The following PCYT1A variants were observed in gnomAD, a reference collection of about 807,000 sequenced individuals.
The protein encoded by PCYT1A is choline-phosphate cytidylyltransferase A.
In PCYT1A, 25 loss-of-function variants were observed where a neutral mutation model predicts 43.7. The ratio of observed to expected loss-of-function variants is 0.57; its 90% CI spans 0.42 to 0.80. The LOEUF is 0.80. PCYT1A is among the 30% of genes least tolerant of loss of function. The probability of loss-of-function intolerance (pLI) is 0.00; values close to 1 mark genes in which losing one functional copy is unlikely to be tolerated. For missense variants in PCYT1A, 421 were observed against 474.2 expected, an observed-to-expected ratio of 0.89 and a Z score of 1.04; for synonymous variants, 172 against 170.7, an observed-to-expected ratio of 1.01 and a Z score of -0.06.
chr3:196,255,946 G>A (rs1451301391), intron 3 of PCYT1A, among the ~76,000 whole-genome samples: 1 of 152,088 alleles, frequency 6.6e-6, no homozygotes, highest in Admixed American at 6.6e-5. Context: ...GTTAGACCTG[G>A]CTACCATTAC....
intron 5 of PCYT1A, among the ~76,000 whole-genome samples, chr3:196,244,577 C>T (rs914083888): frequency 6.6e-6 from 1 of 152,210 alleles, no homozygotes; most frequent in Non-Finnish European, 1.5e-5. Flanking sequence ...CGGCCACCAC[C>T]CCGTCTGGGA....
In PCYT1A at chr3:196,273,166, A is replaced by G. The variant is rs1725488413; in HGVS notation, c.-10-2625T>C. 6.6e-6 allele frequency among the ~76,000 whole-genome samples: 1 copy of G among 152,228 alleles called. No individual in the cohort carries two copies. Among genetic ancestry groups the G allele is most frequent in the Non-Finnish European group, 1.5e-5 (1 of 68,030 alleles). On this transcript the variant is annotated intron_variant, in intron 1 of 8. Transcript: ENST00000431016. The surrounding 1 kb of genome is among the most constrained non-coding windows in gnomAD (Gnocchi z 4.1). ...GCTTCCACTGCAGGCACTGGGGAACATGGTGCTGCCCAGAAGCTTGGAGAG... is the reference window on the plus strand; with the variant it reads ...GCTTCCACTGCAGGCACTGGGGAACGTGGTGCTGCCCAGAAGCTTGGAGAG...
intron 2 of PCYT1A, among the ~76,000 whole-genome samples, chr3:196,258,285 C>CA (rs201725120): frequency 0.42 from 48,483 of 114,546 alleles, 8,993 homozygotes; most frequent in East Asian, 0.76. Context: ...GACTCCACCT[C>CA]AAAAAAAAAA....
intron 4 of PCYT1A, 42 bp downstream of exon 4, chr3:196,248,165 C>CT: frequency 9.1e-7 from 1 of 1,093,916 alleles, no homozygotes; most frequent in Non-Finnish European, 1.4e-6. Context: ...GTACTATCAT[C>CT]TTTTTCTGCA....
Position 196,238,594 on chromosome 3 carries a change from T to G in PCYT1A, c.*94A>C, listed in dbSNP as rs929693479. ...GTTGTCTTTCCTTTGTAGCTGTCCT[T>G]AGGTTTAGTGTTGGGGTCACAATTT... On this transcript the variant is annotated 3_prime_UTR_variant, in exon 9 of 9. Coordinates refer to ENST00000431016, the MANE Select transcript of PCYT1A (RefSeq NM_001312673.2). 2.4e-6 allele frequency: 2 copies of G among 836,674 alleles called. No homozygotes were observed. Among genetic ancestry groups the G allele is most frequent in the Non-Finnish European group, 3.6e-6 (2 of 553,986 alleles). The allele number at this position is 836,674 out of a possible 1,614,324, so 51.8% of individuals were successfully genotyped here. A position where few individuals can be genotyped will look rare whatever the true frequency, so the allele number is the denominator to read the frequency against.
chr3:196,267,145 C>T, intron 2 of PCYT1A: 1 of 272,534 alleles, frequency 3.7e-6, no homozygotes, highest in Non-Finnish European at 7.3e-6. Flanking sequence ...CGCCACTGCA[C>T]TCCAGCTTGG....
chr3:196,235,984 C>T lies in PCYT1A; in HGVS notation c.*2704G>A, dbSNP rs574835248. On this transcript the variant is annotated 3_prime_UTR_variant, in exon 9 of 9. Transcript: ENST00000431016. This position sits in a 1 kb window ranked among gnomAD's most constrained non-coding sequence, Gnocchi z 4.3. ...TTTTAGCTTTCAGTCAGACAAATAGCTTTCAGTCAAAACGATTAGACTGAG... is the reference window on the plus strand; with the variant it reads ...TTTTAGCTTTCAGTCAGACAAATAGTTTTCAGTCAAAACGATTAGACTGAG... 6.6e-6 allele frequency: 1 copy of T among 152,352 alleles called. No homozygotes were observed. Among genetic ancestry groups the T allele is most frequent in the Non-Finnish European group, 1.5e-5 (1 of 68,030 alleles). The allele number at this position is 152,352 out of a possible 1,614,324, so 9.4% of individuals were successfully genotyped here. A position where few individuals can be genotyped will look rare whatever the true frequency, so the allele number is the denominator to read the frequency against.
intron 5 of PCYT1A, among the ~76,000 whole-genome samples, chr3:196,246,983 C>T (rs1054816958): frequency 1.4e-5 from 2 of 146,506 alleles, no homozygotes; most frequent in Non-Finnish European, 3.0e-5. Flanking sequence ...TAACTTGTGG[C>T]GAGTTCAGTT....
At position 196,238,348 on chromosome 3, in the gene PCYT1A, A is replaced by T. The variant is rs181618673; in HGVS notation, c.*340T>A. 5.7e-6 allele frequency: 1 copy of T among 175,256 alleles called. No individual in the cohort carries two copies. The highest frequency in any genetic ancestry group is 6.3e-5 in the Admixed American group (1 of 15,902). The allele number at this position is 175,256 out of a possible 1,614,324, so 10.9% of individuals were successfully genotyped here. On this transcript the variant is annotated 3_prime_UTR_variant, in exon 9 of 9. Coordinates refer to ENST00000431016, the MANE Select transcript of PCYT1A (RefSeq NM_001312673.2). The stretch of plus-strand genomic sequence containing the variant: ...GCCCACTCCTCAGGGGCAAAAAATT[A>T]GTTCTACATTTGAAAGACGAATTTT...
chr3:196,270,016 G>A (rs1172295668), intron 2 of PCYT1A, among the ~76,000 whole-genome samples: 1 of 152,104 alleles, frequency 6.6e-6, no homozygotes, highest in African/African-American at 2.4e-5. Context: ...TGAGATTACA[G>A]GCATGCGCCA....
At position 196,249,196 on chromosome 3, in the gene PCYT1A, G is replaced by A. The variant is rs147036245; in HGVS notation, c.218-873C>T. 3.6e-3 allele frequency among the ~76,000 whole-genome samples: 540 copies of A among 151,894 alleles called. 2 individuals are homozygous for A. The highest frequency in any genetic ancestry group is 0.012 in the African/African-American group (513 of 41,398). On this transcript the variant is annotated intron_variant, in intron 3 of 8. Coordinates refer to ENST00000431016, the MANE Select transcript of PCYT1A (RefSeq NM_001312673.2). The stretch of plus-strand genomic sequence containing the variant: ...GGGTCTCACTCTGTCATCCAGCCTG[G>A]AGTGCACTGATGTGGTCACAGCTCA...
chr3:196,253,690 C>T (rs1288626718), intron 3 of PCYT1A, among the ~76,000 whole-genome samples: 1 of 152,108 alleles, frequency 6.6e-6, no homozygotes, highest in Non-Finnish European at 1.5e-5. Flanking sequence ...CCAGTGCTTC[C>T]CCAGCCTACC....
chr3:196,266,192 G>A (rs1725268019), intron 2 of PCYT1A, among the ~76,000 whole-genome samples: 1 of 152,060 alleles, frequency 6.6e-6, no homozygotes, highest in South Asian at 2.1e-4. Context: ...TGCAATAAAG[G>A]CCAGGTGCAG....
rs1288347271 is a variant in PCYT1A, at chr3:196,236,342, A to G, written c.*2346T>C. On this transcript the variant is annotated 3_prime_UTR_variant, in exon 9 of 9. Transcript: ENST00000431016. ...ACTGCCACACCACACCAGGGAGAAT[A>G]AGTTAGACAGAAACAGGCAGCATTC... 6.6e-6 allele frequency: 1 copy of G among 152,326 alleles called. No homozygotes were observed. Among genetic ancestry groups the G allele is most frequent in the African/African-American group, 2.4e-5 (1 of 41,462 alleles). The allele number at this position is 152,326 out of a possible 1,614,324, so 9.4% of individuals were successfully genotyped here.
At chr3:196,281,334 G>T (rs1046218573) in intron 1 of PCYT1A, among the ~76,000 whole-genome samples, 3 of 152,186 alleles carry the variant, frequency 2.0e-5, no homozygotes, top group African/African-American at 7.2e-5. Context: ...TGCCCCCTAT[G>T]TAAAGGCCTT....
intron 2 of PCYT1A, among the ~76,000 whole-genome samples, chr3:196,270,101 T>G (rs1265552647): frequency 1.3e-5 from 2 of 152,156 alleles, no homozygotes; most frequent in Non-Finnish European, 2.9e-5. Context: ...TGACCTCAGG[T>G]GATCCTCCCA....
intron 7 of PCYT1A, among the ~76,000 whole-genome samples, chr3:196,241,158 A>AAAAC (rs1560161076): frequency 8.4e-6 from 1 of 119,132 alleles, no homozygotes; most frequent in African/African-American, 3.1e-5. Context: ...AAAAAAAAAA[A>AAAAC]AAAAATTAGC....
At position 196,273,886 on chromosome 3, in the gene PCYT1A, G is replaced by A. The variant is rs1018014233; in HGVS notation, c.-10-3345C>T. On this transcript the variant is annotated intron_variant, in intron 1 of 8. Coordinates refer to ENST00000431016, the MANE Select transcript of PCYT1A (RefSeq NM_001312673.2). This position sits in a 1 kb window ranked among gnomAD's most constrained non-coding sequence, Gnocchi z 4.1. The stretch of plus-strand genomic sequence containing the variant: ...CTTCACCAGGGACCCGCCCATTTCC[G>A]CCTAGGAGCCTGTCTGCCTCCTGCT... 6.6e-6 allele frequency among the ~76,000 whole-genome samples: 1 copy of A among 152,194 alleles called. No individual in the cohort carries two copies. The highest frequency in any genetic ancestry group is 1.9e-4 in the East Asian group (1 of 5,178).
At chr3:196,276,557 C>T (rs1010614033) in intron 1 of PCYT1A, among the ~76,000 whole-genome samples, 5 of 151,334 alleles carry the variant, frequency 3.3e-5, no homozygotes, top group South Asian at 2.1e-4. Flanking sequence ...CAGCCGAGAT[C>T]GCACCACTGC....
Sources: gnomAD v4.1 joint callset for allele counts (sites outside exome capture counted in the v4.1 genomes callset) on GRCh38, gnomAD v4.1.1 for gene constraint, Gnocchi (gnomAD v3.1) non-coding constraint, MANE v1.5 for transcripts, NCBI Gene and HGNC (gene_info 2026-07-23, HGNC 2026-07-21) for gene names.